The following LOC122539214 variants were observed in gnomAD, a reference collection of about 807,000 sequenced individuals.
chr19:52,654,028 A>G, the LOC122539214 span: 4 of 1,571,772 alleles, frequency 2.5e-6, no homozygotes, highest in African/African-American at 2.7e-5. Flanking sequence ...TGTTGAAACC[A>G]AGGAAGCATT....
At chr19:52,654,582 T>A in the LOC122539214 span, among the ~76,000 whole-genome samples, 1 of 152,128 alleles carries the variant, frequency 6.6e-6, no homozygotes, top group Non-Finnish European at 1.5e-5. Context: ...CCAGGCATGG[T>A]GGTGGATGCC....
chr19:52,659,949 T>G, the LOC122539214 span, among the ~76,000 whole-genome samples: 2 of 152,104 alleles, frequency 1.3e-5, no homozygotes, highest in African/African-American at 4.8e-5. Context: ...TCCCACGACC[T>G]TGGGAGGCTG....
the LOC122539214 span, among the ~76,000 whole-genome samples, chr19:52,664,184 A>ATT: frequency 5.6e-5 from 8 of 141,856 alleles, no homozygotes; most frequent in Admixed American, 1.4e-4. Context: ...CACCAGGCCT[A>ATT]TTTTTTTTTT....
the LOC122539214 span, among the ~76,000 whole-genome samples, chr19:52,684,795 G>GA: frequency 3.3e-5 from 5 of 150,874 alleles, no homozygotes; most frequent in Admixed American, 6.6e-5. Flanking sequence ...TGGTGTTTGG[G>GA]AAAAAAAAAA....
At chr19:52,668,938 G>A in the LOC122539214 span, among the ~76,000 whole-genome samples, 10 of 152,230 alleles carry the variant, frequency 6.6e-5, no homozygotes, top group East Asian at 1.9e-3. Context: ...AGCCCTCCAG[G>A]GCCATCCAGC....
chr19:52,677,456 A>G, the LOC122539214 span, among the ~76,000 whole-genome samples: 6 of 152,020 alleles, frequency 3.9e-5, no homozygotes, highest in African/African-American at 1.4e-4. Flanking sequence ...ACTTCACACC[A>G]GCATGGGTGA....
the LOC122539214 span, among the ~76,000 whole-genome samples, chr19:52,662,459 G>A: frequency 1.3e-5 from 2 of 152,046 alleles, no homozygotes; most frequent in African/African-American, 2.4e-5. Context: ...GGTTAAAGTT[G>A]TGAAATGACA....
At chr19:52,660,540 C>T in the LOC122539214 span, among the ~76,000 whole-genome samples, 3 of 151,864 alleles carry the variant, frequency 2.0e-5, no homozygotes, top group African/African-American at 7.3e-5. Flanking sequence ...ATCTCTTGAC[C>T]CTGGGAGGTG....
chr19:52,686,417 T>TA, the LOC122539214 span, among the ~76,000 whole-genome samples: 5 of 149,566 alleles, frequency 3.3e-5, no homozygotes, highest in Admixed American at 6.7e-5. Flanking sequence ...AAGATACTCT[T>TA]AAAACTAAGA....
At chr19:52,670,083 A>T in the LOC122539214 span, among the ~76,000 whole-genome samples, 2 of 151,952 alleles carry the variant, frequency 1.3e-5, no homozygotes, top group Non-Finnish European at 2.9e-5. Flanking sequence ...ACCTTTTTCG[A>T]TCACCTGCTC....
chr19:52,686,873 T>C, the LOC122539214 span, among the ~76,000 whole-genome samples: 3 of 151,912 alleles, frequency 2.0e-5, no homozygotes, highest in Non-Finnish European at 4.4e-5. Context: ...ACACCTGGCT[T>C]TGATGTCCAT....
chr19:52,653,106 T>A, the LOC122539214 span: 1 of 1,468,980 alleles, frequency 6.8e-7, no homozygotes, highest in Non-Finnish European at 9.5e-7. Flanking sequence ...TTAGAAGGGA[T>A]GAATTTCGAG....
At chr19:52,667,795 G>T in the LOC122539214 span, among the ~76,000 whole-genome samples, 6 of 152,134 alleles carry the variant, frequency 3.9e-5, no homozygotes, top group East Asian at 5.8e-4. Context: ...CTTACCTTAT[G>T]GTCAGACATT....
chr19:52,678,012 G>T, the LOC122539214 span, among the ~76,000 whole-genome samples: 1 of 147,108 alleles, frequency 6.8e-6, no homozygotes, highest in South Asian at 2.1e-4. Context: ...TACAACCTGG[G>T]TGACAGAGTG....
the LOC122539214 span, among the ~76,000 whole-genome samples, chr19:52,681,715 G>A: frequency 6.6e-6 from 1 of 152,144 alleles, no homozygotes; most frequent in Non-Finnish European, 1.5e-5. Context: ...AAAAGATACA[G>A]CTTCAAAACT....
At chr19:52,676,688 G>A in the LOC122539214 span, among the ~76,000 whole-genome samples, 1 of 135,338 alleles carries the variant, frequency 7.4e-6, no homozygotes, top group East Asian at 2.0e-4. Context: ...ATAGAAAGCG[G>A]GGAAAGGTGG....
chr19:52,670,996 A>T, the LOC122539214 span, among the ~76,000 whole-genome samples: 35 of 152,308 alleles, frequency 2.3e-4, no homozygotes, highest in East Asian at 3.3e-3. Flanking sequence ...CAGACCTTTA[A>T]AAGGTGTTAG....
the LOC122539214 span, among the ~76,000 whole-genome samples, chr19:52,673,701 G>A: frequency 6.6e-6 from 1 of 151,946 alleles, no homozygotes; most frequent in Non-Finnish European, 1.5e-5. Flanking sequence ...TCTAGCCTGG[G>A]TGACAGAGTG....
chr19:52,658,409 T>TA, the LOC122539214 span, among the ~76,000 whole-genome samples: 4 of 151,962 alleles, frequency 2.6e-5, no homozygotes, highest in African/African-American at 9.7e-5. Context: ...CTACCAAAAA[T>TA]ACAACAATTA....
Sources: allele counts gnomAD v4.1 joint callset (sites outside exome capture counted in the v4.1 genomes callset), GRCh38; gene constraint gnomAD v4.1.1; transcripts MANE v1.5.